Variants in PDP1 observed in about 807,000 individuals in gnomAD.
PDP1 encodes pyruvate dehydrogenase phosphatase catalytic subunit 1, also known as pyruvate dehyrogenase phosphatase catalytic subunit 1.
PDP1 carries 14 observed loss-of-function variants against 37.1 expected under a neutral mutation model. That is an observed-to-expected ratio of 0.38 (90% CI 0.25 to 0.59). The LOEUF (loss-of-function observed/expected upper bound fraction) is 0.59, where lower values mean the gene tolerates loss of function less well. Among genes scored for constraint, PDP1 ranks in the 20% least tolerant of loss-of-function variants. The probability of loss-of-function intolerance (pLI) is 0.67; values close to 1 mark genes in which losing one functional copy is unlikely to be tolerated. For missense variants in PDP1, 544 were observed against 655.3 expected (o/e 0.83, Z 1.85); for synonymous variants, 251 against 243.3 (o/e 1.03, Z -0.29).
chr8:93,922,479 G>A lies in PDP1; in HGVS notation c.420G>A (p.Leu140=). 1 of 1,614,158 alleles carries A rather than the reference G, an allele frequency of 6.2e-7. No homozygotes were observed. Among genetic ancestry groups the A allele is most frequent in the East Asian group, 2.2e-5 (1 of 44,888 alleles). The change falls in exon 2 of 2, where the codon TTG becomes TTA. Residue 140 remains leucine, a synonymous_variant. Transcript: ENST00000297598. This position sits in a 1 kb window ranked among gnomAD's most constrained non-coding sequence, Gnocchi z 4.0. ...GCTTGCAGACCAGAGGGATGCTTTT[G>A]GGGGTTTTTGATGGCCATGCAGGTT... ...ATCLQTRGML[L]GVFDGHAGCA...
intron 1 of PDP1, among the ~76,000 whole-genome samples, chr8:93,919,482 C>A (rs577403516): frequency 1.3e-4 from 16 of 124,280 alleles, no homozygotes; most frequent in South Asian, 3.2e-4. Context: ...AATTCCTCCC[C>A]CCGCTGCCCT....
rs1246693353 is a variant in PDP1, at chr8:93,925,825, T to C, written c.*2152T>C. The C allele has an allele frequency of 1.8e-5, 3 of 167,052 alleles. No individual in the cohort carries two copies. The highest frequency in any genetic ancestry group is 6.5e-5 in the Admixed American group (1 of 15,282). The allele number at this position is 167,052 out of a possible 1,614,324, so 10.3% of individuals were successfully genotyped here. A position where few individuals can be genotyped will look rare whatever the true frequency, so the allele number is the denominator to read the frequency against. On this transcript the variant is annotated 3_prime_UTR_variant, in exon 2 of 2. Coordinates refer to ENST00000297598, the MANE Select transcript of PDP1 (RefSeq NM_018444.4). ...TTCATGGTATTTAGCCTTTCTTAAA[T>C]TTTTTTAAAATTTAAACTTTCTAAC...
chr8:93,919,500 C>CT (rs1402992699), intron 1 of PDP1, among the ~76,000 whole-genome samples: 1 of 134,044 alleles, frequency 7.5e-6, no homozygotes, highest in Non-Finnish European at 1.6e-5. Context: ...CCTCCCTCCC[C>CT]CCCCCCGGCA....
Position 93,923,458 on chromosome 8 carries a change from A to G in PDP1, c.1399A>G (p.Thr467Ala). The change falls in exon 2 of 2, where the codon ACC becomes GCC. Residue 467 changes from threonine to alanine, a missense_variant. Thr to Ala is a moderately conservative substitution (Grantham distance 58). Transcript: ENST00000297598. The surrounding 1 kb of genome is among the most constrained non-coding windows in gnomAD (Gnocchi z 4.3). ...QMHGLLTERR[T>A]KMSSVFEDQN... is the part of the protein sequence containing the mutation. ...GCATGGCCTTTTAACAGAAAGGAGA[A>G]CCAAAATGTCCTCGGTATTTGAGGA... 13 of 1,597,358 alleles carry G rather than the reference A, an allele frequency of 8.1e-6. No individual in the cohort carries two copies. The highest frequency in any genetic ancestry group is 1.1e-5 in the Non-Finnish European group (13 of 1,169,222).
rs201021364 is a variant in PDP1, at chr8:93,922,914, T to C, written c.855T>C (p.His285=). 64 of 1,614,214 alleles carry C rather than the reference T, an allele frequency of 4.0e-5. No individual in the cohort carries two copies. In the East Asian group the frequency reaches 1.2e-3, roughly 30 times the overall value. Reference sequence around the variant, plus strand: ...CCCATGTGGATGGTGTTGACCTTCATGTGGCCAATACTGGCGATAGCAGAG... The same window carrying C: ...CCCATGTGGATGGTGTTGACCTTCACGTGGCCAATACTGGCGATAGCAGAG... The part of the protein sequence containing the change: ...CVAHVDGVDL[H]VANTGDSRAM... The change falls in exon 2 of 2, where the codon CAT becomes CAC. Residue 285 remains histidine, a synonymous_variant. Coordinates refer to ENST00000297598, the MANE Select transcript of PDP1 (RefSeq NM_018444.4). The surrounding 1 kb of genome is among the most constrained non-coding windows in gnomAD (Gnocchi z 4.0).
chr8:93,918,260 TTA>T, intron 1 of PDP1, among the ~76,000 whole-genome samples: 1 of 152,178 alleles, frequency 6.6e-6, no homozygotes, highest in Non-Finnish European at 1.5e-5. Flanking sequence ...CGGATGGTCT[TTA>T]TGTAGAGTGT....
intron 1 of PDP1, chr8:93,921,411 A>G (rs1435264711): frequency 2.6e-6 from 2 of 773,546 alleles, no homozygotes; most frequent in African/African-American, 1.9e-5. Context: ...AATTATGTAG[A>G]AATTTTTCTA....
Position 93,923,056 on chromosome 8 carries a change from G to A in PDP1, c.997G>A (p.Glu333Lys). The change falls in exon 2 of 2, where the codon GAG becomes AAG. Residue 333 changes from glutamate (E) to lysine (K), a missense_variant. Around this residue, in one of 5 missense-constraint regions of PDP1, gnomAD observed 342 missense variants for 414.0 expected, o/e 0.83. Coordinates refer to ENST00000297598, the MANE Select transcript of PDP1 (RefSeq NM_018444.4). This position sits in a 1 kb window ranked among gnomAD's most constrained non-coding sequence, Gnocchi z 4.3. Reference sequence around the variant, plus strand: ...GCTGAAATTGGAACATCCAAAGAGTGAGGCCAAGAGTGTCGTGAAACAGGA... The same window carrying A: ...GCTGAAATTGGAACATCCAAAGAGTAAGGCCAAGAGTGTCGTGAAACAGGA... ...ERLKLEHPKS[E>K]AKSVVKQDRL... The A allele has an allele frequency of 6.2e-7, 1 of 1,614,190 alleles. No individual in the cohort carries two copies. The highest frequency in any genetic ancestry group is 8.5e-7 in the Non-Finnish European group (1 of 1,180,044).
Position 93,923,448 on chromosome 8 carries a change from A to C in PDP1, c.1389A>C (p.Thr463=). The C allele has an allele frequency of 6.3e-7, 1 of 1,596,738 alleles. No homozygotes were observed. The highest frequency in any genetic ancestry group is 8.6e-7 in the Non-Finnish European group (1 of 1,169,230). The change falls in exon 2 of 2, where the codon ACA becomes ACC. Residue 463 remains threonine, a synonymous_variant. Coordinates refer to ENST00000297598, the MANE Select transcript of PDP1 (RefSeq NM_018444.4). This position sits in a 1 kb window ranked among gnomAD's most constrained non-coding sequence, Gnocchi z 4.3. The part of the protein sequence containing the change: ...VTLGQMHGLL[T]ERRTKMSSVF... ...TGGGACAGATGCATGGCCTTTTAAC[A>C]GAAAGGAGAACCAAAATGTCCTCGG...
At chr8:93,920,858 C>T in intron 1 of PDP1, 4 of 750,538 alleles carry the variant, frequency 5.3e-6, no homozygotes, top group South Asian at 1.2e-4. Flanking sequence ...TATTGGTAGA[C>T]ATTGTGTAAT....
At position 93,922,169 on chromosome 8, in the gene PDP1, C is replaced by G. The variant is rs1422562484; in HGVS notation, c.110C>G (p.Ser37Trp). Reference protein sequence around the residue: ...CHHKHLCCSSSYIPQSRLRYT... With the variant: ...CHHKHLCCSSWYIPQSRLRYT... ...CACAAACATCTCTGTTGTTCCTCATCGTACATTCCTCAGAGTCGACTGAGA... is the reference window on the plus strand; with the variant it reads ...CACAAACATCTCTGTTGTTCCTCATGGTACATTCCTCAGAGTCGACTGAGA... The change falls in exon 2 of 2, where the codon TCG becomes TGG. Residue 37 changes from serine to tryptophan, a missense_variant. By Grantham distance (177) the Ser-to-Trp change is radical. Transcript: ENST00000297598. The surrounding 1 kb of genome is among the most constrained non-coding windows in gnomAD (Gnocchi z 4.0). 3 of 1,614,066 alleles carry G rather than the reference C, an allele frequency of 1.9e-6. 1 individual carries two copies. In the African/African-American group the frequency reaches 4.0e-5, roughly 22 times the overall value.
chr8:93,925,713 G>C lies in PDP1; in HGVS notation c.*2040G>C, dbSNP rs931487691. ...GTAATTGGGTATTAGAAATCTGAAA[G>C]TACTGTCATCTAAAAGCAATTGTGA... On this transcript the variant is annotated 3_prime_UTR_variant, in exon 2 of 2. Transcript: ENST00000297598. 3.6e-5 allele frequency: 6 copies of C among 167,068 alleles called. No homozygotes were observed. The highest frequency in any genetic ancestry group is 1.2e-4 in the African/African-American group (5 of 41,442). 10.3% of individuals were successfully genotyped at this position (167,068 alleles called of 1,614,324 possible).
At position 93,924,141 on chromosome 8, in the gene PDP1, A is replaced by G. The variant is rs1217189585; in HGVS notation, c.*468A>G. On this transcript the variant is annotated 3_prime_UTR_variant, in exon 2 of 2. Transcript: ENST00000297598. The stretch of plus-strand genomic sequence containing the variant: ...TACACAGTCTATGCATTATTCATAT[A>G]CATTTATTTTAGCCTAAAGTGGTTT... 1 of 171,540 alleles carries G rather than the reference A, an allele frequency of 5.8e-6. No individual in the cohort carries two copies. Among genetic ancestry groups the G allele is most frequent in the African/African-American group, 2.4e-5 (1 of 41,486 alleles). 10.6% of individuals were successfully genotyped at this position (171,540 alleles called of 1,614,324 possible). A position where few individuals can be genotyped will look rare whatever the true frequency, so the allele number is the denominator to read the frequency against.
intron 1 of PDP1, chr8:93,921,087 A>T (rs879313335): frequency 6.2e-4 from 591 of 949,476 alleles, no homozygotes; most frequent in Non-Finnish European, 6.8e-4. Context: ...TTTTTTTTTT[A>T]ATCATGAAGG....
In PDP1 at chr8:93,926,021, T is replaced by C. The variant is rs1445532845; in HGVS notation, c.*2348T>C. On this transcript the variant is annotated 3_prime_UTR_variant, in exon 2 of 2. Coordinates refer to ENST00000297598, the MANE Select transcript of PDP1 (RefSeq NM_018444.4). ...CATGAAAGTTTAATGTACAGAATGG[T>C]TGGAGAAATGCCTATGGTGAATTAA... 1 of 166,412 alleles carries C rather than the reference T, an allele frequency of 6.0e-6. No individual in the cohort carries two copies. Among genetic ancestry groups the C allele is most frequent in the African/African-American group, 2.4e-5 (1 of 41,418 alleles). The allele number at this position is 166,412 out of a possible 1,614,324, so 10.3% of individuals were successfully genotyped here.
At chr8:93,917,152 C>A (rs941377300) in intron 1 of PDP1, 73 bp downstream of exon 1, 11 of 419,272 alleles carry the variant, frequency 2.6e-5, no homozygotes, top group Non-Finnish European at 5.0e-5. Flanking sequence ...TGTGAGGGGG[C>A]GCCGGGCGTG....
At chr8:93,918,614 T>C (rs560031609) in intron 1 of PDP1, among the ~76,000 whole-genome samples, 24 of 152,160 alleles carry the variant, frequency 1.6e-4, no homozygotes, top group African/African-American at 5.6e-4. Context: ...GAATAGGAAA[T>C]TTTCCGTGAA....
In PDP1 at chr8:93,922,730, C is replaced by T. The variant is rs140780685; in HGVS notation, c.671C>T (p.Thr224Ile). The T allele has an allele frequency of 1.2e-6, 2 of 1,613,980 alleles. No homozygotes were observed. Among genetic ancestry groups the T allele is most frequent in the African/African-American group, 2.7e-5 (2 of 74,916 alleles). Reference protein sequence around the residue: ...TYWQELIDLNTGESTDIDVKE... With the variant: ...TYWQELIDLNIGESTDIDVKE... ...TGGCAAGAGCTTATAGACCTCAACACTGGTGAGTCGACTGATATTGATGTT... is the reference window on the plus strand; with the variant it reads ...TGGCAAGAGCTTATAGACCTCAACATTGGTGAGTCGACTGATATTGATGTT... Residue 224 changes from threonine (T) to isoleucine (I), a missense_variant, in exon 2 of 2, where the codon ACT (threonine) becomes ATT (isoleucine). Physicochemically the swap from Thr to Ile is moderately conservative, Grantham distance 89. Around this residue, in one of 5 missense-constraint regions of PDP1, gnomAD observed 342 missense variants for 414.0 expected, o/e 0.83. Transcript: ENST00000297598. This position sits in a 1 kb window ranked among gnomAD's most constrained non-coding sequence, Gnocchi z 4.0.
chr8:93,923,225 A>G lies in PDP1; in HGVS notation c.1166A>G (p.Tyr389Cys). 2.5e-6 allele frequency: 4 copies of G among 1,614,184 alleles called. No individual in the cohort carries two copies. The highest frequency in any genetic ancestry group is 3.4e-6 in the Non-Finnish European group (4 of 1,179,994). Residue 389 changes from tyrosine (Y) to cysteine (C), a missense_variant, in exon 2 of 2, where the codon TAT becomes TGT. By Grantham distance (194) the Tyr-to-Cys change is radical (BLOSUM62 -2). Transcript: ENST00000297598. This position sits in a 1 kb window ranked among gnomAD's most constrained non-coding sequence, Gnocchi z 4.3. The stretch of plus-strand genomic sequence containing the variant: ...TATACCAAGTTTATTCCTCCTAATT[A>G]TCACACACCTCCTTATCTCACTGCT... The part of the protein sequence containing the change: ...NEYTKFIPPN[Y>C]HTPPYLTAEP...
Sources: gnomAD v4.1 joint callset for allele counts (sites outside exome capture counted in the v4.1 genomes callset) on GRCh38, gnomAD v4.1.1 for gene constraint, gnomAD v4.1.1 regional missense constraint, Gnocchi (gnomAD v3.1) non-coding constraint, MANE v1.5 for transcripts, NCBI Gene and HGNC (gene_info 2026-07-23, HGNC 2026-07-21) for gene names.